The following TLE1 variants were observed in gnomAD, a reference collection of about 807,000 sequenced individuals.
TLE1 encodes the protein transducin-like enhancer protein 1.
Under a neutral mutation model 89.8 loss-of-function variants are expected in TLE1, and 21 were observed. That is an observed-to-expected ratio of 0.23 (90% confidence interval 0.17 to 0.34). The LOEUF is 0.34. TLE1 is among the 10% of genes least tolerant of loss of function. The pLI, the probability that TLE1 is intolerant of heterozygous loss-of-function variation, is 1.00. For missense variants in TLE1, 795 were observed against 1,031.2 expected, an observed-to-expected ratio of 0.77 and a Z score of 3.14; for synonymous variants, 447 against 407.6, an observed-to-expected ratio of 1.10 and a Z score of -1.16.
At chr9:81,624,475 T>C (rs1014872450) in intron 8 of TLE1, among the ~76,000 whole-genome samples, 9 of 152,310 alleles carry the variant, frequency 5.9e-5, no homozygotes, top group Non-Finnish European at 1.0e-4. Context: ...GTCTATACTT[T>C]GAAAGATTTT....
intron 9 of TLE1, among the ~76,000 whole-genome samples, chr9:81,618,215 G>T (rs1000153744): frequency 6.6e-6 from 1 of 152,152 alleles, no homozygotes; most frequent in Non-Finnish European, 1.5e-5. Context: ...AAAGGAAGAG[G>T]TCCTGAATTT....
At chr9:81,631,310 G>A (rs887670679) in intron 8 of TLE1, among the ~76,000 whole-genome samples, 1 of 152,146 alleles carries the variant, frequency 6.6e-6, no homozygotes, top group Admixed American at 6.5e-5. Context: ...GAGGTTATCC[G>A]ACACATTCGG....
At chr9:81,630,028 C>G (rs1366891472) in intron 8 of TLE1, among the ~76,000 whole-genome samples, 1 of 152,080 alleles carries the variant, frequency 6.6e-6, no homozygotes, top group Non-Finnish European at 1.5e-5. Context: ...CAGTTTTAGG[C>G]TCACAGATAA....
chr9:81,624,098 T>TA (rs1466561802), intron 8 of TLE1, among the ~76,000 whole-genome samples: 1 of 152,160 alleles, frequency 6.6e-6, no homozygotes, highest in African/African-American at 2.4e-5. Context: ...CCCAAAAACT[T>TA]ACTTAAAATC....
intron 8 of TLE1, among the ~76,000 whole-genome samples, chr9:81,627,158 T>G (rs1016580321): frequency 6.6e-6 from 1 of 152,040 alleles, no homozygotes; most frequent in African/African-American, 2.4e-5. Context: ...ATCTCAAAGA[T>G]GAGGACACAG....
rs59394276 is a variant in TLE1, at chr9:81,670,714, GA to G, written c.234+14961del. Among the ~76,000 whole-genome samples the G allele has an allele frequency of 1.4e-4, 20 of 144,604 alleles. No individual in the cohort carries two copies. In the South Asian group the frequency reaches 2.0e-3, roughly 14 times the overall value. The allele number at this position is 144,604 out of a possible 152,430, so 94.9% of individuals were successfully genotyped here. On this transcript the variant is annotated intron_variant, in intron 4 of 19. Coordinates refer to ENST00000376499, the MANE Select transcript of TLE1 (RefSeq NM_005077.5). The stretch of plus-strand genomic sequence containing the variant: ...CTTTGAGAGTTCCAGAAGCTAATCA[GA>G]AAAAAAAAAATTAAAAAAAAAAAAT...
At chr9:81,678,823 G>C (rs991165424) in intron 4 of TLE1, among the ~76,000 whole-genome samples, 1 of 151,138 alleles carries the variant, frequency 6.6e-6, no homozygotes, top group Non-Finnish European at 1.5e-5. Context: ...CTGGATGACA[G>C]AGCAAGACTC....
chr9:81,598,784 C>T (rs1195921855), intron 14 of TLE1, among the ~76,000 whole-genome samples: 4 of 152,176 alleles, frequency 2.6e-5, no homozygotes, highest in Admixed American at 2.6e-4. Context: ...ATAATGAAAG[C>T]AATGACAATA....
intron 8 of TLE1, 42 bp downstream of exon 8, chr9:81,633,288 CGTGTGTGTGTGTGTGTGT>C (rs56327119): frequency 5.9e-5 from 93 of 1,569,742 alleles, no homozygotes; most frequent in African/African-American, 8.2e-5. Flanking sequence ...AGAAGGGGAC[CGTGTGTGTGTGTGTGTGT>C]GTGTGTGTGT....
At chr9:81,644,534 C>T (rs1000751925) in intron 6 of TLE1, among the ~76,000 whole-genome samples, 4 of 152,068 alleles carry the variant, frequency 2.6e-5, no homozygotes, top group Non-Finnish European at 5.9e-5. Context: ...GATGGATAAG[C>T]ACATTGGTAG....
intron 6 of TLE1, among the ~76,000 whole-genome samples, chr9:81,639,488 G>C (rs1367685441): frequency 6.6e-6 from 1 of 151,856 alleles, no homozygotes; most frequent in Non-Finnish European, 1.5e-5. Context: ...ACAGTAATTA[G>C]GAAATTTGCT....
At chr9:81,652,115 A>ACACG in intron 6 of TLE1, 99 bp downstream of exon 6, 4 of 1,120,866 alleles carry the variant, frequency 3.6e-6, no homozygotes, top group Non-Finnish European at 4.0e-6. Flanking sequence ...ATACACACAC[A>ACACG]CACACACACA....
intron 16 of TLE1, among the ~76,000 whole-genome samples, chr9:81,588,626 G>A (rs140094984): frequency 3.0e-4 from 45 of 152,294 alleles, no homozygotes; most frequent in African/African-American, 1.1e-3. Context: ...GATCTGCTGA[G>A]CACAGATGCT....
intron 4 of TLE1, among the ~76,000 whole-genome samples, chr9:81,680,288 T>C (rs745475611): frequency 2.0e-5 from 3 of 152,148 alleles, no homozygotes; most frequent in Non-Finnish European, 4.4e-5. Context: ...CTATAGTTCA[T>C]GGCCACTCCC....
intron 4 of TLE1, among the ~76,000 whole-genome samples, chr9:81,663,349 A>AAGATT (rs58773970): frequency 0.91 from 137,638 of 151,804 alleles, 62,393 homozygotes; most frequent in Admixed American, 0.91. Context: ...ATCATAGAGC[A>AAGATT]AGAAGCCACA....
chr9:81,674,447 A>C (rs752183946), intron 4 of TLE1, among the ~76,000 whole-genome samples: 17 of 152,158 alleles, frequency 1.1e-4, no homozygotes, highest in Non-Finnish European at 2.1e-4. Context: ...GGGGTCCTCA[A>C]TGAGGTTTTG....
At chr9:81,679,577 G>C (rs975188014) in intron 4 of TLE1, among the ~76,000 whole-genome samples, 3 of 151,886 alleles carry the variant, frequency 2.0e-5, no homozygotes, top group Non-Finnish European at 4.4e-5. Flanking sequence ...ACATCACACC[G>C]TATTCACAGA....
At chr9:81,616,765 T>A in intron 9 of TLE1, 66 bp from the exon 10 acceptor site, 2 of 1,583,226 alleles carry the variant, frequency 1.3e-6, no homozygotes, top group Non-Finnish European at 1.7e-6. Context: ...ACAGTTAGAT[T>A]TCTTTCTATA....
intron 4 of TLE1, among the ~76,000 whole-genome samples, chr9:81,656,452 T>C (rs1362508380): frequency 6.6e-6 from 1 of 152,196 alleles, no homozygotes; most frequent in African/African-American, 2.4e-5. Context: ...AAAAATGATA[T>C]ATGCTCACTT....
Sources: gnomAD v4.1 joint callset for allele counts (sites outside exome capture counted in the v4.1 genomes callset) on GRCh38, gnomAD v4.1.1 for gene constraint, MANE v1.5 for transcripts, NCBI Gene and HGNC (gene_info 2026-07-23, HGNC 2026-07-21) for gene names.